Variants in GLIS3 observed in about 807,000 individuals in gnomAD.
GLIS3 encodes the protein zinc finger protein GLIS3.
In GLIS3, 53 loss-of-function variants were observed where a neutral mutation model predicts 78.6. The observed-to-expected ratio is 0.67, with a 90% CI of 0.54 to 0.85. The LOEUF (loss-of-function observed/expected upper bound fraction) is 0.85, where lower values mean the gene tolerates loss of function less well. Ranked by LOEUF, GLIS3 falls within the 40% of genes least tolerant of loss-of-function variation. GLIS3 has a pLI of 0.00. For missense variants in GLIS3, 1,703 were observed against 1,231.1 expected (o/e 1.38, Z -5.74); for synonymous variants, 684 against 509.9 (o/e 1.34, Z -4.60).
intron 2 of GLIS3, among the ~76,000 whole-genome samples, chr9:4,234,800 A>G (rs927536175): frequency 6.6e-6 from 1 of 152,218 alleles, no homozygotes; most frequent in African/African-American, 2.4e-5. Context: ...TTGTTAATAT[A>G]AAGAGCTTAA....
chr9:4,199,696 T>C (rs892024180), intron 2 of GLIS3, among the ~76,000 whole-genome samples: 4 of 151,986 alleles, frequency 2.6e-5, no homozygotes, highest in Admixed American at 1.3e-4. Context: ...TTAGAGAGCA[T>C]TATAATAATA....
At chr9:4,440,976 C>G in the GLIS3 span, among the ~76,000 whole-genome samples, 2 of 151,826 alleles carry the variant, frequency 1.3e-5, no homozygotes, top group African/African-American at 4.8e-5. Context: ...CATATAGGAA[C>G]ACTCCTGATT....
intron 4 of GLIS3, among the ~76,000 whole-genome samples, chr9:4,059,825 T>TGAGA (rs1469909194): frequency 7.6e-4 from 91 of 120,324 alleles, no homozygotes; most frequent in African/African-American, 2.3e-3. Context: ...TGTGTGTGTG[T>TGAGA]GTGTGAGAGA....
intron 4 of GLIS3, among the ~76,000 whole-genome samples, chr9:4,075,961 G>T (rs1255877469): frequency 6.6e-6 from 1 of 152,178 alleles, no homozygotes; most frequent in East Asian, 1.9e-4. Context: ...AGAGCCAACA[G>T]AAGGATTGAC....
At chr9:4,251,278 A>C (rs1046521340) in intron 2 of GLIS3, among the ~76,000 whole-genome samples, 6 of 152,092 alleles carry the variant, frequency 3.9e-5, no homozygotes, top group Non-Finnish European at 5.9e-5. Context: ...TGCTTTATGA[A>C]TCTGGGTCCT....
intron 4 of GLIS3, among the ~76,000 whole-genome samples, chr9:3,983,147 C>T (rs1050830395): frequency 6.6e-6 from 1 of 152,218 alleles, no homozygotes; most frequent in South Asian, 2.1e-4. Context: ...TGGGTCTTTC[C>T]TGTGCTGTTC....
intron 6 of GLIS3, among the ~76,000 whole-genome samples, chr9:3,922,514 T>A (rs190883951): frequency 2.2e-4 from 33 of 152,328 alleles, no homozygotes. Flanking sequence ...GAATGGACTC[T>A]GAACATGATA....
At chr9:4,271,380 G>T (rs1464068712) in intron 2 of GLIS3, among the ~76,000 whole-genome samples, 2 of 152,104 alleles carry the variant, frequency 1.3e-5, no homozygotes, top group Admixed American at 6.6e-5. Flanking sequence ...TGCATGGGGG[G>T]TCAGCACCCC....
chr9:3,833,346 CAACACTTTTTAA>C (rs1818158848), intron 9 of GLIS3, among the ~76,000 whole-genome samples: 1 of 152,106 alleles, frequency 6.6e-6, no homozygotes, highest in African/African-American at 2.4e-5. Context: ...TTTCACAAAC[CAACACTTTTTAA>C]AAAATTCCGT....
intron 2 of GLIS3, among the ~76,000 whole-genome samples, chr9:4,339,262 G>T (rs1278119173): frequency 2.0e-5 from 3 of 152,136 alleles, no homozygotes; most frequent in Non-Finnish European, 2.9e-5. Flanking sequence ...TTGATCTGTT[G>T]TTTTGTCACT....
rs116901870 is a variant in GLIS3 at position 3,863,349 on chromosome 9, G to C, written c.2298-7165C>G. On this transcript the variant is annotated intron_variant, in intron 8 of 10. Coordinates refer to ENST00000381971, the MANE Select transcript of GLIS3 (RefSeq NM_001042413.2). ...ACTGGGGGAACTGCAAATTGAATTC[G>C]GCTTCTGAGACAATCAAGACCAGCT... Among the ~76,000 whole-genome samples, 412 of 152,262 alleles carry C rather than the reference G, an allele frequency of 2.7e-3. 2 individuals are homozygous for C. Among genetic ancestry groups the C allele is most frequent in the African/African-American group, 9.7e-3 (401 of 41,546 alleles).
intron 2 of GLIS3, among the ~76,000 whole-genome samples, chr9:4,277,123 A>T (rs2130239008): frequency 6.6e-6 from 1 of 152,322 alleles, no homozygotes; most frequent in African/African-American, 2.4e-5. Context: ...CTCCACTATT[A>T]TCCCAGTTCT....
the GLIS3 span, among the ~76,000 whole-genome samples, chr9:4,418,332 A>G: frequency 1.3e-5 from 2 of 152,254 alleles, no homozygotes; most frequent in African/African-American, 4.8e-5. Flanking sequence ...ATAGACATGC[A>G]GATTGTAGCC....
chr9:4,239,460 T>G (rs72691860), intron 2 of GLIS3, among the ~76,000 whole-genome samples: 2 of 152,264 alleles, frequency 1.3e-5, no homozygotes, highest in African/African-American at 2.4e-5. Context: ...GCTGCAGGGT[T>G]GGGGCTATTC....
intron 2 of GLIS3, among the ~76,000 whole-genome samples, chr9:4,182,860 T>C (rs1217168752): frequency 1.3e-5 from 2 of 152,236 alleles, no homozygotes; most frequent in Admixed American, 1.3e-4. Context: ...GTGCTCTCTA[T>C]GTATCACCCT....
Position 3,879,059 on chromosome 9 carries a change from A to T in GLIS3, c.2297+368T>A, listed in dbSNP as rs557607141. ...AAAATCCTGTGCCTTAACAATACTG[A>T]TTTATGTGGCGAGGGCACCATCTGA... On this transcript the variant is annotated intron_variant, in intron 8 of 10. Transcript: ENST00000381971. 5.9e-5 allele frequency among the ~76,000 whole-genome samples: 9 copies of T among 152,204 alleles called. No homozygotes were observed. In the South Asian group the frequency reaches 1.2e-3, roughly 21 times the overall value.
Position 4,133,084 on chromosome 9 carries a change from T to C in GLIS3, c.389-7143A>G, listed in dbSNP as rs923855744. On this transcript the variant is annotated intron_variant, in intron 2 of 10. Transcript: ENST00000381971. ...TAAAGCTACAGAAATGTCACAAGAA[T>C]AGAACATTAGATAAAGTTGAAGCTC... 3.2e-4 allele frequency among the ~76,000 whole-genome samples: 48 copies of C among 152,226 alleles called. 1 individual carries two copies. Among genetic ancestry groups the C allele is most frequent in the Non-Finnish European group, 2.2e-4 (15 of 68,034 alleles).
intron 4 of GLIS3, among the ~76,000 whole-genome samples, chr9:3,990,017 G>A (rs1820094482): frequency 6.6e-6 from 1 of 152,192 alleles, no homozygotes; most frequent in South Asian, 2.1e-4. Context: ...GGCTCTCTCT[G>A]TATTACTTCT....
At chr9:4,316,426 G>A (rs1442939786) in intron 2 of GLIS3, among the ~76,000 whole-genome samples, 1 of 152,210 alleles carries the variant, frequency 6.6e-6, no homozygotes, top group African/African-American at 2.4e-5. Flanking sequence ...GGACAGAGTA[G>A]TACAGCAGGT....
Sources: allele counts gnomAD v4.1 joint callset (sites outside exome capture counted in the v4.1 genomes callset), GRCh38; gene constraint gnomAD v4.1.1; transcripts MANE v1.5; gene names NCBI Gene and HGNC (gene_info 2026-07-23, HGNC 2026-07-21).